Variants in GCNT3 observed in about 807,000 individuals in gnomAD.
GCNT3 encodes the protein glucosaminyl (N-acetyl) transferase 3, mucin type, also known as beta-1,3-galactosyl-O-glycosyl-glycoprotein beta-1,6-N-acetylglucosaminyltransferase 3.
For synonymous variants in GCNT3, 269 were observed against 195.2 expected (o/e 1.38, Z -3.15); for missense variants, 708 against 530.3 (o/e 1.34, Z -3.29).
Position 59,619,572 on chromosome 15 carries a change from G to C in GCNT3, c.*17G>C. The C allele has an allele frequency of 6.9e-7, 1 of 1,456,448 alleles. No individual in the cohort carries two copies. The highest frequency in any genetic ancestry group is 9.5e-7 in the Non-Finnish European group (1 of 1,052,656). The allele number at this position is 1,456,448 out of a possible 1,614,324, so 90.2% of individuals were successfully genotyped here. A position where few individuals can be genotyped will look rare whatever the true frequency, so the allele number is the denominator to read the frequency against. On this transcript the variant is annotated 3_prime_UTR_variant, in exon 3 of 3. Coordinates refer to ENST00000396065, the MANE Select transcript of GCNT3 (RefSeq NM_004751.3). ...GAACTTTGAGACACACTATGAGAGC[G>C]TTGCTACCTGTGGGGCAAGAGCATG...
Position 59,622,148 on chromosome 15 carries a change from A to G in GCNT3, c.*2593A>G, listed in dbSNP as rs1890947908. 1 of 151,830 alleles carries G rather than the reference A, an allele frequency of 6.6e-6. No individual in the cohort carries two copies. The highest frequency in any genetic ancestry group is 6.6e-5 in the Admixed American group (1 of 15,246). The allele number at this position is 151,830 out of a possible 1,614,324, so 9.4% of individuals were successfully genotyped here. ...GCCAACATGGTGAATCCCCATCTCTACTAAAAATATAAAAATTAGCCAGAC... is the reference window on the plus strand; with the variant it reads ...GCCAACATGGTGAATCCCCATCTCTGCTAAAAATATAAAAATTAGCCAGAC... On this transcript the variant is annotated 3_prime_UTR_variant, in exon 3 of 3. Coordinates refer to ENST00000396065, the MANE Select transcript of GCNT3 (RefSeq NM_004751.3).
Position 59,620,270 on chromosome 15 carries a change from C to T in GCNT3, c.*715C>T, listed in dbSNP as rs60806570. On this transcript the variant is annotated 3_prime_UTR_variant, in exon 3 of 3. Coordinates refer to ENST00000396065, the MANE Select transcript of GCNT3 (RefSeq NM_004751.3). ...GCAACCTCCGCCTCCCAGGTTCAAG[C>T]GATACTCCCACCTCAGCCTCCTGAG... 7,036 of 162,264 alleles carry T rather than the reference C, an allele frequency of 0.043. 406 individuals are homozygous for T. Among genetic ancestry groups the T allele is most frequent in the East Asian group, 0.25 (1,300 of 5,162 alleles). The allele number at this position is 162,264 out of a possible 1,614,324, so 10.1% of individuals were successfully genotyped here.
At chr15:59,614,413 A>T (rs2082710449) in intron 1 of GCNT3, among the ~76,000 whole-genome samples, 1 of 152,198 alleles carries the variant, frequency 6.6e-6, no homozygotes, top group African/African-American at 2.4e-5. Context: ...CAAGTTCATT[A>T]AGAAAGTAAA....
At chr15:59,614,890 T>G (rs751589063) in intron 1 of GCNT3, among the ~76,000 whole-genome samples, 2 of 152,212 alleles carry the variant, frequency 1.3e-5, no homozygotes, top group Non-Finnish European at 2.9e-5. Context: ...TTGTCTTTGC[T>G]GTGGCTTCAT....
At chr15:59,614,646 G>C (rs190392805) in intron 1 of GCNT3, among the ~76,000 whole-genome samples, 1 of 152,278 alleles carries the variant, frequency 6.6e-6, no homozygotes, top group East Asian at 1.9e-4. Flanking sequence ...GGTCACTCTC[G>C]TCACCATCTT....
At position 59,619,678 on chromosome 15, in the gene GCNT3, A is replaced by C. The variant is rs1041759097; in HGVS notation, c.*123A>C. 2.0e-4 allele frequency: 143 copies of C among 704,502 alleles called. No homozygotes were observed. Among genetic ancestry groups the C allele is most frequent in the Non-Finnish European group, 2.9e-4 (114 of 394,128 alleles). The allele number at this position is 704,502 out of a possible 1,614,324, so 43.6% of individuals were successfully genotyped here. On this transcript the variant is annotated 3_prime_UTR_variant, in exon 3 of 3. Transcript: ENST00000396065. ...AATTCGTGGCATCCTTTAGGATAAG[A>C]GGGCTGCTATTAGAGTGTGGGTAAG... is the stretch of plus-strand genomic sequence containing the variant.
chr15:59,616,708 T>G lies in GCNT3; in HGVS notation c.-234T>G, dbSNP rs1300074354. The G allele has an allele frequency of 6.6e-6, 1 of 152,212 alleles. No homozygotes were observed. The highest frequency in any genetic ancestry group is 2.4e-5 in the African/African-American group (1 of 41,454). 9.4% of individuals were successfully genotyped at this position (152,212 alleles called of 1,614,324 possible). On this transcript the variant is annotated 5_prime_UTR_variant, in exon 2 of 3. Transcript: ENST00000396065. Reference sequence around the variant, plus strand: ...ACTTTGCAGATATTAAAGAGGAGCCTGAAACTGTTCCTTGGACATCTTATG... The same window carrying G: ...ACTTTGCAGATATTAAAGAGGAGCCGGAAACTGTTCCTTGGACATCTTATG...
chr15:59,613,504 C>G (rs1422072311), intron 1 of GCNT3, among the ~76,000 whole-genome samples: 1 of 149,102 alleles, frequency 6.7e-6, no homozygotes, highest in Middle Eastern at 3.5e-3. Context: ...AGTTCAAGAC[C>G]AGCCAGGGGA....
Position 59,619,071 on chromosome 15 carries a change from T to C in GCNT3, c.833T>C (p.Leu278Pro). Reference sequence around the variant, plus strand: ...GAGGTAGTGAGAGACACATTACACCTAACCAACAAGAAGAAGGATCCTCCC... The same window carrying C: ...GAGGTAGTGAGAGACACATTACACCCAACCAACAAGAAGAAGGATCCTCCC... Reference protein sequence around the residue: ...HFEVVRDTLHLTNKKKDPPPY... With the variant: ...HFEVVRDTLHPTNKKKDPPPY... Residue 278 changes from leucine to proline, a missense_variant, in exon 3 of 3, where the codon CTA becomes CCA. Coordinates refer to ENST00000396065, the MANE Select transcript of GCNT3 (RefSeq NM_004751.3). 1 of 1,614,074 alleles carries C rather than the reference T, an allele frequency of 6.2e-7. No individual in the cohort carries two copies. The highest frequency in any genetic ancestry group is 8.5e-7 in the Non-Finnish European group (1 of 1,179,946).
rs756930823 is a variant in GCNT3, at chr15:59,618,353, C to G, written c.115C>G (p.His39Asp). ...LSFRLKCDSD[H>D]LGLESRESQS... ...TTTCAGGTTGAAGTGTGACTCTGAC[C>G]ACTTGGGTCTGGAGTCCAGGGAATC... The change falls in exon 3 of 3, where the codon CAC (histidine) becomes GAC (aspartate). Residue 39 changes from histidine (H) to aspartate (D), a missense_variant. Coordinates refer to ENST00000396065, the MANE Select transcript of GCNT3 (RefSeq NM_004751.3). The G allele has an allele frequency of 8.1e-6, 13 of 1,613,740 alleles. No homozygotes were observed. In the South Asian group the frequency reaches 9.9e-5, roughly 12 times the overall value.
At position 59,619,156 on chromosome 15, in the gene GCNT3, C is replaced by A; in HGVS notation, c.918C>A (p.Val306=). The change falls in exon 3 of 3, where the codon GTC becomes GTA. Residue 306 remains valine, a synonymous_variant. Coordinates refer to ENST00000396065, the MANE Select transcript of GCNT3 (RefSeq NM_004751.3). ...NAYIVASRDF[V]QHVLKNPKSQ... ...ACATTGTGGCTTCCCGAGATTTCGTCCAACATGTTTTGAAGAACCCTAAAT... is the reference window on the plus strand; with the variant it reads ...ACATTGTGGCTTCCCGAGATTTCGTACAACATGTTTTGAAGAACCCTAAAT... 6.2e-7 allele frequency: 1 copy of A among 1,614,104 alleles called. No homozygotes were observed.
At position 59,619,598 on chromosome 15, in the gene GCNT3, T is replaced by A; in HGVS notation, c.*43T>A. 1.6e-6 allele frequency: 2 copies of A among 1,269,410 alleles called. No individual in the cohort carries two copies. The highest frequency in any genetic ancestry group is 2.2e-6 in the Non-Finnish European group (2 of 890,390). The allele number at this position is 1,269,410 out of a possible 1,614,324, so 78.6% of individuals were successfully genotyped here. On this transcript the variant is annotated 3_prime_UTR_variant, in exon 3 of 3. Coordinates refer to ENST00000396065, the MANE Select transcript of GCNT3 (RefSeq NM_004751.3). ...TTGCTACCTGTGGGGCAAGAGCATGTACAAACATGCTCAGAACTTGCTGGG... is the reference window on the plus strand; with the variant it reads ...TTGCTACCTGTGGGGCAAGAGCATGAACAAACATGCTCAGAACTTGCTGGG...
intron 2 of GCNT3, among the ~76,000 whole-genome samples, chr15:59,617,171 T>C (rs1445592852): frequency 1.0e-5 from 1 of 95,600 alleles, no homozygotes; most frequent in Non-Finnish European, 2.4e-5. Flanking sequence ...TTTTGTTTTC[T>C]TTCTTTCTTT....
rs539268207 is a variant in GCNT3 at position 59,618,201 on chromosome 15, C to T, written c.-38C>T. ...AAGGATTGTGTCCTCCTCCACCTTC[C>T]CTGTGCTCGGTCTCCACCTGTCTCC... On this transcript the variant is annotated 5_prime_UTR_variant, in exon 3 of 3. Transcript: ENST00000396065. 7.7e-6 allele frequency: 9 copies of T among 1,165,400 alleles called. No individual in the cohort carries two copies. In the South Asian group the frequency reaches 1.2e-4, roughly 15 times the overall value. 72.2% of individuals were successfully genotyped at this position (1,165,400 alleles called of 1,614,324 possible). A position where few individuals can be genotyped will look rare whatever the true frequency, so the allele number is the denominator to read the frequency against.
At position 59,616,815 on chromosome 15, in the gene GCNT3, C is replaced by T. The variant is rs2082721728; in HGVS notation, c.-127C>T. ...TTTGCTGCCACGGAACACCGCCAGT[C>T]TTCACTTGGAAACAGAATCACGCCT... On this transcript the variant is annotated 5_prime_UTR_variant, in exon 2 of 3. Transcript: ENST00000396065. 6.6e-6 allele frequency: 1 copy of T among 152,230 alleles called. No individual in the cohort carries two copies. The highest frequency in any genetic ancestry group is 1.5e-5 in the Non-Finnish European group (1 of 68,042). The allele number at this position is 152,230 out of a possible 1,614,324, so 9.4% of individuals were successfully genotyped here.
At chr15:59,612,179 C>G (rs576716687) in intron 1 of GCNT3, among the ~76,000 whole-genome samples, 198 bp downstream of exon 1, 1 of 152,198 alleles carries the variant, frequency 6.6e-6, no homozygotes, top group African/African-American at 2.4e-5. Context: ...CTTAGTTTCT[C>G]TGTTTCCCAT....
intron 1 of GCNT3, among the ~76,000 whole-genome samples, chr15:59,613,568 AT>A (rs2082706053): frequency 2.8e-5 from 4 of 145,202 alleles, no homozygotes; most frequent in African/African-American, 7.7e-5. Context: ...AAATAAATAA[AT>A]AAATAAATAA....
intron 1 of GCNT3, among the ~76,000 whole-genome samples, chr15:59,614,695 T>C (rs1472579157): frequency 6.6e-6 from 1 of 152,212 alleles, no homozygotes; most frequent in Non-Finnish European, 1.5e-5. Flanking sequence ...TACTACAATC[T>C]GTTTTATCAG....
In GCNT3 at chr15:59,619,587, G is replaced by T. The variant is rs894678872; in HGVS notation, c.*32G>T. 8 of 1,361,036 alleles carry T rather than the reference G, an allele frequency of 5.9e-6. No homozygotes were observed. In the Admixed American group the frequency reaches 9.0e-5, roughly 15 times the overall value. 84.3% of individuals were successfully genotyped at this position (1,361,036 alleles called of 1,614,324 possible). A position where few individuals can be genotyped will look rare whatever the true frequency, so the allele number is the denominator to read the frequency against. ...CTATGAGAGCGTTGCTACCTGTGGG[G>T]CAAGAGCATGTACAAACATGCTCAG... On this transcript the variant is annotated 3_prime_UTR_variant, in exon 3 of 3. Coordinates refer to ENST00000396065, the MANE Select transcript of GCNT3 (RefSeq NM_004751.3).
Sources: allele counts gnomAD v4.1 joint callset (sites outside exome capture counted in the v4.1 genomes callset), GRCh38; gene constraint gnomAD v4.1.1; transcripts MANE v1.5; gene names NCBI Gene and HGNC (gene_info 2026-07-23, HGNC 2026-07-21).